OGFOD1: variants seen among roughly 807,000 people sequenced by gnomAD.
OGFOD1 encodes 2-oxoglutarate and iron dependent oxygenase domain containing 1, also known as prolyl 3-hydroxylase OGFOD1.
Under a neutral mutation model 67.7 loss-of-function variants are expected in OGFOD1, and 54 were observed. The observed-to-expected ratio is 0.80, with a 90% CI of 0.64 to 1.00. The LOEUF (loss-of-function observed/expected upper bound fraction) is 1.00. Among genes scored for constraint, OGFOD1 ranks in the 50% least tolerant of loss-of-function variants. The pLI, the probability that OGFOD1 is intolerant of heterozygous loss-of-function variation, is 0.00. For synonymous variants in OGFOD1, 221 were observed against 227.0 expected, an observed-to-expected ratio of 0.97 and a Z score of 0.24; for missense variants, 606 against 646.7, an observed-to-expected ratio of 0.94 and a Z score of 0.68.
intron 11 of OGFOD1, 135 bp downstream of exon 11, chr16:56,475,085 A>C: frequency 6.6e-6 from 6 of 912,862 alleles, no homozygotes; most frequent in Non-Finnish European, 9.9e-6. Flanking sequence ...TCTCAAAGTC[A>C]AAGGGATTTT....
At chr16:56,453,448 A>C (rs756294280) in intron 2 of OGFOD1, 40 bp downstream of exon 2, 15 of 1,592,622 alleles carry the variant, frequency 9.4e-6, no homozygotes, top group Non-Finnish European at 1.3e-5. Context: ...CCAGCTTGGA[A>C]ATTCACTGTC....
chr16:56,460,462 T>C (rs887749558), intron 3 of OGFOD1, among the ~76,000 whole-genome samples: 1 of 152,244 alleles, frequency 6.6e-6, no homozygotes, highest in Non-Finnish European at 1.5e-5. Flanking sequence ...GCTTACAGTA[T>C]CAAGACTTTG....
chr16:56,455,569 C>T lies in OGFOD1; in HGVS notation c.300+2161C>T, dbSNP rs570023113. ...AGTAGATGTAAAATCTGGTTTCATT[C>T]TCCTGCTCCTTTAATCCTCATCCAT... On this transcript the variant is annotated intron_variant, in intron 2 of 12. Transcript: ENST00000566157. Among the ~76,000 whole-genome samples the T allele has an allele frequency of 4.6e-5, 7 of 152,250 alleles. No homozygotes were observed. In the East Asian group the frequency reaches 1.4e-3, roughly 29 times the overall value.
intron 10 of OGFOD1, among the ~76,000 whole-genome samples, chr16:56,473,708 T>G (rs1352178575): frequency 6.6e-6 from 1 of 152,250 alleles, no homozygotes; most frequent in Non-Finnish European, 1.5e-5. Context: ...ACTTGATTTT[T>G]TTTTTTCATG....
At chr16:56,470,191 A>G (rs1283842919) in intron 9 of OGFOD1, 109 bp downstream of exon 9, 1 of 935,784 alleles carries the variant, frequency 1.1e-6, no homozygotes, top group East Asian at 2.6e-5. Context: ...TGAGGTGATG[A>G]CAGGCAGTTC....
chr16:56,463,240 C>G (rs1451068728), intron 4 of OGFOD1, among the ~76,000 whole-genome samples: 2 of 151,928 alleles, frequency 1.3e-5, no homozygotes, highest in Non-Finnish European at 2.9e-5. Flanking sequence ...TTAAATTTTA[C>G]TAAATAAAAT....
Position 56,478,608 on chromosome 16 carries a change from A to C in OGFOD1, c.*2403A>C, listed in dbSNP as rs1327262375. 1 of 152,238 alleles carries C rather than the reference A, an allele frequency of 6.6e-6. No homozygotes were observed. Among genetic ancestry groups the C allele is most frequent in the African/African-American group, 2.4e-5 (1 of 41,468 alleles). The allele number at this position is 152,238 out of a possible 1,614,324, so 9.4% of individuals were successfully genotyped here. A position where few individuals can be genotyped will look rare whatever the true frequency, so the allele number is the denominator to read the frequency against. ...GTAGGTGAAACTGTCATGTGTGCCA[A>C]GCTTGGAAAATAGTTTGAGACTCAT... On this transcript the variant is annotated 3_prime_UTR_variant, in exon 13 of 13. Coordinates refer to ENST00000566157, the MANE Select transcript of OGFOD1 (RefSeq NM_018233.4).
rs1466281457 is a variant in OGFOD1, at chr16:56,462,655, GTGTC to G, written c.448+25_448+28del. The G allele has an allele frequency of 2.2e-6, 3 of 1,387,836 alleles. No individual in the cohort carries two copies. In the Admixed American group the frequency reaches 5.0e-5, roughly 23 times the overall value. 86.0% of individuals were successfully genotyped at this position (1,387,836 alleles called of 1,614,324 possible). On this transcript the variant is annotated intron_variant, in intron 4 of 12. Coordinates refer to ENST00000566157, the MANE Select transcript of OGFOD1 (RefSeq NM_018233.4). ...CACTGGTAAGGAAGATAAAGGCCTG[GTGTC>G]TGTAAGATATAAAGGCTTTAACTCA...
intron 3 of OGFOD1, among the ~76,000 whole-genome samples, chr16:56,462,061 C>G (rs1401704653): frequency 6.6e-6 from 1 of 151,532 alleles, no homozygotes; most frequent in Non-Finnish European, 1.5e-5. Flanking sequence ...CTGCTGTACC[C>G]CAACCTGGGC....
At chr16:56,472,740 T>TG (rs1351893246) in intron 10 of OGFOD1, among the ~76,000 whole-genome samples, 1 of 152,154 alleles carries the variant, frequency 6.6e-6, no homozygotes, top group Non-Finnish European at 1.5e-5. Context: ...TATACACATA[T>TG]GGGGGGTATA....
At chr16:56,460,900 T>C (rs575912818) in intron 3 of OGFOD1, among the ~76,000 whole-genome samples, 13 of 152,350 alleles carry the variant, frequency 8.5e-5, no homozygotes, top group African/African-American at 3.1e-4. Context: ...TCAAAGTTGA[T>C]TGGCTGAGTG....
chr16:56,457,163 C>T (rs746817194), intron 2 of OGFOD1, among the ~76,000 whole-genome samples: 39 of 152,028 alleles, frequency 2.6e-4, no homozygotes, highest in Admixed American at 5.9e-4. Context: ...TTTATAATTG[C>T]CAAAAAGTGG....
At chr16:56,466,619 TCTAGCA>T (rs1158733436) in intron 5 of OGFOD1, among the ~76,000 whole-genome samples, 13 of 152,234 alleles carry the variant, frequency 8.5e-5, no homozygotes, top group African/African-American at 2.9e-4. Flanking sequence ...TTTTTGAATG[TCTAGCA>T]CCAGAAGTTG....
At chr16:56,455,396 A>G (rs1962491813) in intron 2 of OGFOD1, among the ~76,000 whole-genome samples, 1 of 151,978 alleles carries the variant, frequency 6.6e-6, no homozygotes. Flanking sequence ...TGGAAGATAT[A>G]AGGCAAAATA....
At chr16:56,469,075 C>T (rs1963032237) in intron 8 of OGFOD1, among the ~76,000 whole-genome samples, 1 of 152,070 alleles carries the variant, frequency 6.6e-6, no homozygotes, top group East Asian at 1.9e-4. Flanking sequence ...AACTGAATAC[C>T]CTATTCAATT....
At chr16:56,460,849 A>T (rs1378965762) in intron 3 of OGFOD1, among the ~76,000 whole-genome samples, 1 of 152,238 alleles carries the variant, frequency 6.6e-6, no homozygotes, top group Non-Finnish European at 1.5e-5. Flanking sequence ...AAATCTTTTT[A>T]AAATGTTTTA....
At chr16:56,467,508 C>T (rs1211917449) in intron 7 of OGFOD1, among the ~76,000 whole-genome samples, 3 of 151,164 alleles carry the variant, frequency 2.0e-5, no homozygotes, top group Non-Finnish European at 4.4e-5. Flanking sequence ...CTCACTACAA[C>T]CTCCACCTCC....
chr16:56,458,732 G>A (rs1278999328), intron 3 of OGFOD1, 138 bp downstream of exon 3: 18 of 697,766 alleles, frequency 2.6e-5, no homozygotes, highest in Non-Finnish European at 3.7e-5. Flanking sequence ...GAAAGAGACC[G>A]AGAAATTGAG....
In OGFOD1 at chr16:56,477,902, G is replaced by A. The variant is rs1376553248; in HGVS notation, c.*1697G>A. On this transcript the variant is annotated 3_prime_UTR_variant, in exon 13 of 13. Transcript: ENST00000566157. ...TTGCATTTAAATGAAAATGACTTTC[G>A]CTTTGGCTTTTAGGTTTAGTTTCAA... 2.0e-5 allele frequency: 3 copies of A among 152,020 alleles called. No homozygotes were observed. Among genetic ancestry groups the A allele is most frequent in the African/African-American group, 4.8e-5 (2 of 41,370 alleles). 9.4% of individuals were successfully genotyped at this position (152,020 alleles called of 1,614,324 possible). A position where few individuals can be genotyped will look rare whatever the true frequency, so the allele number is the denominator to read the frequency against.
Sources: allele counts gnomAD v4.1 joint callset (sites outside exome capture counted in the v4.1 genomes callset), GRCh38; gene constraint gnomAD v4.1.1; transcripts MANE v1.5; gene names NCBI Gene and HGNC (gene_info 2026-07-23, HGNC 2026-07-21).